KCNG2: variants seen among roughly 807,000 people sequenced by gnomAD.
The protein encoded by KCNG2 is voltage-gated potassium channel regulatory subunit KCNG2.
In KCNG2, 7 loss-of-function variants were observed where a neutral mutation model predicts 12.3. The ratio of observed to expected loss-of-function variants is 0.57; its 90% CI spans 0.32 to 1.07. KCNG2 has a LOEUF of 1.07. Ranked by LOEUF, KCNG2 falls within the 50% of genes least tolerant of loss-of-function variation. The probability of loss-of-function intolerance (pLI) is 0.04; values close to 1 mark genes in which losing one functional copy is unlikely to be tolerated. For missense variants in KCNG2, 703 were observed against 726.0 expected, an observed-to-expected ratio of 0.97 and a Z score of 0.36; for synonymous variants, 414 against 351.4, an observed-to-expected ratio of 1.18 and a Z score of -1.99.
intron 3 of KCNG2, among the ~76,000 whole-genome samples, chr18:79,883,104 G>A (rs1393435522): frequency 1.3e-5 from 2 of 152,252 alleles, no homozygotes; most frequent in African/African-American, 2.4e-5. Flanking sequence ...CACGGTGCGC[G>A]GTGAAAAGCA....
intron 1 of KCNG2, among the ~76,000 whole-genome samples, chr18:79,799,457 T>C (rs894465123): frequency 4.6e-5 from 7 of 152,102 alleles, no homozygotes; most frequent in Non-Finnish European, 1.0e-4. Flanking sequence ...CTTAGGGAAT[T>C]TGGGGGGCAT....
At chr18:79,845,433 C>T (rs1978591091) in intron 1 of KCNG2, among the ~76,000 whole-genome samples, 1 of 152,112 alleles carries the variant, frequency 6.6e-6, no homozygotes, top group African/African-American at 2.4e-5. Flanking sequence ...TGCAAGGGTG[C>T]CCGTGTATTT....
chr18:79,838,763 A>G (rs1978375320), intron 1 of KCNG2, among the ~76,000 whole-genome samples: 2 of 152,240 alleles, frequency 1.3e-5, no homozygotes, highest in African/African-American at 4.8e-5. Flanking sequence ...GAATGAAAAT[A>G]TATACACAAC....
In KCNG2 at chr18:79,819,547, T is replaced by C. The variant is rs1294646798; in HGVS notation, c.-115+21533T>C. Among the ~76,000 whole-genome samples the C allele has an allele frequency of 4.6e-5, 7 of 152,270 alleles. No individual in the cohort carries two copies. In the South Asian group the frequency reaches 1.4e-3, roughly 32 times the overall value. On this transcript the variant is annotated intron_variant, in intron 1 of 3. Coordinates refer to ENST00000316249, the MANE Select transcript of KCNG2 (RefSeq NM_012283.2). ...CTGTGTTGGGCCTGGGTGTCACCCATGGACAATGTTCACGCCGCGGGGTTT... is the reference window on the plus strand; with the variant it reads ...CTGTGTTGGGCCTGGGTGTCACCCACGGACAATGTTCACGCCGCGGGGTTT...
At chr18:79,799,367 G>A (rs1306312916) in intron 1 of KCNG2, among the ~76,000 whole-genome samples, 4 of 152,180 alleles carry the variant, frequency 2.6e-5, no homozygotes, top group African/African-American at 9.6e-5. Context: ...TGTTCTCTGG[G>A]ATGGTGCAGG....
At chr18:79,799,107 G>A (rs1488200098) in intron 1 of KCNG2, among the ~76,000 whole-genome samples, 3 of 152,204 alleles carry the variant, frequency 2.0e-5, no homozygotes, top group Admixed American at 6.5e-5. Context: ...TCTGGCTTCC[G>A]CGTGCGCTCA....
intron 1 of KCNG2, among the ~76,000 whole-genome samples, chr18:79,849,387 G>T (rs1186014923): frequency 2.0e-4 from 31 of 152,190 alleles, no homozygotes; most frequent in Non-Finnish European, 3.8e-4. Context: ...CGCCCCTCTT[G>T]GCTCAGAAGG....
rs188525144 is a variant in KCNG2 at position 79,800,091 on chromosome 18, C to G, written c.-115+2077C>G. Among the ~76,000 whole-genome samples the G allele has an allele frequency of 7.4e-4, 113 of 152,038 alleles. No homozygotes were observed. Among genetic ancestry groups the G allele is most frequent in the Non-Finnish European group, 1.1e-3 (78 of 67,996 alleles). On this transcript the variant is annotated intron_variant, in intron 1 of 3. Transcript: ENST00000316249. The surrounding 1 kb of genome is among the most constrained non-coding windows in gnomAD (Gnocchi z 4.0). ...TCAGGCAGGCACCTGGAGGGCAGCG[C>G]GAACGGAGGGCTGTTTGTCGTGGGA... is the stretch of plus-strand genomic sequence containing the variant.
intron 3 of KCNG2, among the ~76,000 whole-genome samples, chr18:79,877,468 C>T (rs948590875): frequency 3.9e-5 from 6 of 152,172 alleles, no homozygotes; most frequent in Non-Finnish European, 7.3e-5. Context: ...AGACCTCAGA[C>T]CCCAACAGGA....
chr18:79,829,391 C>T (rs1978289911), intron 1 of KCNG2, among the ~76,000 whole-genome samples: 1 of 152,122 alleles, frequency 6.6e-6, no homozygotes. Context: ...CAAGTACCTG[C>T]CCCTTCTCTG....
At chr18:79,843,677 G>A (rs142364902) in intron 1 of KCNG2, among the ~76,000 whole-genome samples, 156 of 152,120 alleles carry the variant, frequency 1.0e-3, no homozygotes, top group African/African-American at 3.4e-3. Context: ...ACAACTAAAA[G>A]ATATTTTATG....
At chr18:79,858,281 C>T (rs927248619) in intron 2 of KCNG2, among the ~76,000 whole-genome samples, 2 of 152,362 alleles carry the variant, frequency 1.3e-5, no homozygotes, top group East Asian at 1.9e-4. Flanking sequence ...GGATTACAGG[C>T]GTGAGCCACC....
chr18:79,891,787 A>T (rs1229675797), intron 3 of KCNG2, among the ~76,000 whole-genome samples: 2 of 152,140 alleles, frequency 1.3e-5, no homozygotes, highest in African/African-American at 4.8e-5. Flanking sequence ...ATGGCCTGGT[A>T]TATGTCCTGT....
chr18:79,868,414 A>G (rs1358847325), intron 3 of KCNG2, among the ~76,000 whole-genome samples: 1 of 152,108 alleles, frequency 6.6e-6, no homozygotes, highest in Admixed American at 6.6e-5. Flanking sequence ...CCGGTTAAGA[A>G]GCAGTCGCCC....
intron 1 of KCNG2, among the ~76,000 whole-genome samples, chr18:79,831,833 C>T (rs931385581): frequency 2.6e-5 from 4 of 152,226 alleles, no homozygotes; most frequent in Non-Finnish European, 4.4e-5. Context: ...TCCTCCCACC[C>T]CCACCCTTAC....
chr18:79,851,100 G>A (rs1390297570), intron 1 of KCNG2, among the ~76,000 whole-genome samples: 2 of 152,166 alleles, frequency 1.3e-5, no homozygotes, highest in Admixed American at 6.5e-5. Context: ...ATCGGCAGCT[G>A]CTGCATAGAC....
intron 1 of KCNG2, among the ~76,000 whole-genome samples, chr18:79,807,802 C>G (rs1230651029): frequency 2.0e-5 from 3 of 146,478 alleles, no homozygotes; most frequent in Non-Finnish European, 3.0e-5. Flanking sequence ...CCACACTCCA[C>G]GTTATGGGCC....
At chr18:79,829,076 CTGTG>C (rs1367888564) in intron 1 of KCNG2, among the ~76,000 whole-genome samples, 1 of 74,240 alleles carries the variant, frequency 1.3e-5, no homozygotes, top group Non-Finnish European at 2.8e-5. Flanking sequence ...GTGCATGTGT[CTGTG>C]TGTGGGTGTC....
intron 2 of KCNG2, 55 bp from the exon 3 acceptor site, chr18:79,863,573 A>C (rs1979306629): frequency 8.8e-6 from 10 of 1,131,008 alleles, no homozygotes; most frequent in Non-Finnish European, 1.1e-5. Context: ...CCGCGGGCGG[A>C]CGCGCTCCCC....
Sources: gnomAD v4.1 joint callset for allele counts (sites outside exome capture counted in the v4.1 genomes callset) on GRCh38, gnomAD v4.1.1 for gene constraint, Gnocchi (gnomAD v3.1) non-coding constraint, MANE v1.5 for transcripts, NCBI Gene and HGNC (gene_info 2026-07-23, HGNC 2026-07-21) for gene names.